NFAT5: variants seen among roughly 807,000 people sequenced by gnomAD.
The protein encoded by NFAT5 is nuclear factor of activated T-cells 5.
Under a neutral mutation model 166.5 loss-of-function variants are expected in NFAT5, and 31 were observed. The ratio of observed to expected loss-of-function variants is 0.19; its 90% confidence interval spans 0.14 to 0.25. NFAT5 has a LOEUF of 0.25. Ranked by LOEUF, NFAT5 falls within the 10% of genes least tolerant of loss-of-function variation. The pLI, the probability that NFAT5 is intolerant of heterozygous loss-of-function variation, is 1.00. For synonymous variants in NFAT5, 612 were observed against 639.7 expected (o/e 0.96, Z 0.65); for missense variants, 1,449 against 1,821.8 (o/e 0.80, Z 3.72).
chr16:69,671,471 A>C (rs1306597673), intron 9 of NFAT5, among the ~76,000 whole-genome samples: 1 of 152,220 alleles, frequency 6.6e-6, no homozygotes, highest in East Asian at 1.9e-4. Context: ...CCCTGGTTCA[A>C]GCAATTCTCC....
chr16:69,694,562 T>C (rs2037695551), intron 13 of NFAT5, among the ~76,000 whole-genome samples: 1 of 152,236 alleles, frequency 6.6e-6, no homozygotes, highest in African/African-American at 2.4e-5. Flanking sequence ...TCCTGTATAG[T>C]TGTTTTAAGA....
intron 3 of NFAT5, among the ~76,000 whole-genome samples, chr16:69,645,518 T>A (rs951636855): frequency 9.9e-5 from 15 of 152,216 alleles, no homozygotes; most frequent in Non-Finnish European, 2.2e-4. Flanking sequence ...TTCATTCAAA[T>A]AATTTAGGTG....
intron 2 of NFAT5, among the ~76,000 whole-genome samples, chr16:69,621,911 TTTGA>T (rs1399697155): frequency 6.6e-6 from 1 of 152,136 alleles, no homozygotes; most frequent in African/African-American, 2.4e-5. Flanking sequence ...TGCAGTGAAC[TTTGA>T]TTGTGTCTGT....
At chr16:69,673,747 T>C (rs2036719846) in intron 9 of NFAT5, among the ~76,000 whole-genome samples, 1 of 151,964 alleles carries the variant, frequency 6.6e-6, no homozygotes, top group Non-Finnish European at 1.5e-5. Context: ...CAACACACTT[T>C]GGATGTGATC....
At position 69,578,614 on chromosome 16, in the gene NFAT5, G is replaced by C. The variant is rs531533382; in HGVS notation, c.127+10066G>C. ...TGACAGTGACCATAAGCCAAACACA[G>C]ACTTAAGCCAACAAATAGCTATCCT... On this transcript the variant is annotated intron_variant, in intron 2 of 14. Coordinates refer to ENST00000349945, the MANE Select transcript of NFAT5 (RefSeq NM_138713.4). 1.2e-4 allele frequency among the ~76,000 whole-genome samples: 19 copies of C among 152,184 alleles called. 1 individual carries two copies. In the East Asian group the frequency reaches 3.1e-3, roughly 25 times the overall value.
In NFAT5 at chr16:69,702,280, T is replaced by C. The variant is rs1241917333; in HGVS notation, c.*5929T>C. The C allele has an allele frequency of 6.6e-6, 1 of 152,658 alleles. No homozygotes were observed. Among genetic ancestry groups the C allele is most frequent in the Non-Finnish European group, 1.5e-5 (1 of 68,044 alleles). 9.5% of individuals were successfully genotyped at this position (152,658 alleles called of 1,614,324 possible). A position where few individuals can be genotyped will look rare whatever the true frequency, so the allele number is the denominator to read the frequency against. On this transcript the variant is annotated 3_prime_UTR_variant, in exon 15 of 15. Coordinates refer to ENST00000349945, the MANE Select transcript of NFAT5 (RefSeq NM_138713.4). ...CTTTTCTTTTGGATAGCCAACTTGG[T>C]ATAAATGTTATATGGATTTTTCTAA...
intron 2 of NFAT5, among the ~76,000 whole-genome samples, chr16:69,624,359 C>A (rs929722426): frequency 2.6e-5 from 4 of 151,632 alleles, no homozygotes; most frequent in East Asian, 3.9e-4. Flanking sequence ...GTGACCACCA[C>A]CACGCCTGGC....
intron 2 of NFAT5, among the ~76,000 whole-genome samples, chr16:69,607,382 C>T (rs552848138): frequency 6.6e-6 from 1 of 152,130 alleles, no homozygotes; most frequent in East Asian, 1.9e-4. Context: ...ACTTTATCCC[C>T]CTTAATGCAA....
At chr16:69,671,703 T>C (rs773823025) in intron 9 of NFAT5, among the ~76,000 whole-genome samples, 3 of 152,046 alleles carry the variant, frequency 2.0e-5, no homozygotes, top group Non-Finnish European at 2.9e-5. Context: ...AGGACAGAAA[T>C]CAGAATCAGC....
At chr16:69,590,132 C>T (rs1171585774) in intron 2 of NFAT5, among the ~76,000 whole-genome samples, 4 of 152,090 alleles carry the variant, frequency 2.6e-5, no homozygotes, top group African/African-American at 7.2e-5. Flanking sequence ...TATGATCGCA[C>T]GACTGCACTC....
intron 9 of NFAT5, among the ~76,000 whole-genome samples, chr16:69,674,405 T>G (rs1212804955): frequency 6.6e-6 from 1 of 152,104 alleles, no homozygotes; most frequent in Non-Finnish European, 1.5e-5. Flanking sequence ...TCATTATGTC[T>G]ATTCCCTTTT....
chr16:69,648,743 A>T (rs894181192), intron 4 of NFAT5: 2 of 973,902 alleles, frequency 2.1e-6, no homozygotes, highest in South Asian at 4.7e-5. Flanking sequence ...AGGACCCAGG[A>T]TCTCCTACAA....
rs1005184181 is a variant in NFAT5 at position 69,566,985 on chromosome 16, CTGGAAAGGGCCCGA to C, written c.73+626_73+639del. Among the ~76,000 whole-genome samples, 3 of 152,132 alleles carry C rather than the reference CTGGAAAGGGCCCGA, an allele frequency of 2.0e-5. No homozygotes were observed. The highest frequency in any genetic ancestry group is 4.8e-5 in the African/African-American group (2 of 41,428). ...TCTTCCTTTCCTCGTCATCTTCTTG[CTGGAAAGGGCCCGA>C]TGGAAAGGGCCCGAATTTTCTTTTC... On this transcript the variant is annotated intron_variant, in intron 1 of 14. Coordinates refer to ENST00000349945, the MANE Select transcript of NFAT5 (RefSeq NM_138713.4). The surrounding 1 kb of genome is among the most constrained non-coding windows in gnomAD (Gnocchi z 5.7).
chr16:69,666,356 A>C (rs538054648), intron 7 of NFAT5, among the ~76,000 whole-genome samples: 1 of 152,172 alleles, frequency 6.6e-6, no homozygotes, highest in South Asian at 2.1e-4. Flanking sequence ...TGCACAGCAA[A>C]AGAAACTACC....
chr16:69,582,031 G>T (rs912050315), intron 2 of NFAT5, among the ~76,000 whole-genome samples: 3 of 152,144 alleles, frequency 2.0e-5, no homozygotes, highest in South Asian at 2.1e-4. Context: ...TTGTGAGGCC[G>T]AGGAGGGCGG....
At chr16:69,650,567 A>G (rs2035622775) in intron 4 of NFAT5, among the ~76,000 whole-genome samples, 1 of 152,150 alleles carries the variant, frequency 6.6e-6, no homozygotes, top group East Asian at 1.9e-4. Flanking sequence ...ACTCACTTTC[A>G]TTTATTTGCC....
At chr16:69,592,795 C>T (rs1446199365) in intron 2 of NFAT5, among the ~76,000 whole-genome samples, 1 of 151,886 alleles carries the variant, frequency 6.6e-6, no homozygotes, top group South Asian at 2.1e-4. Flanking sequence ...TAGATATATC[C>T]TTTAAAGGCA....
In NFAT5 at chr16:69,693,974, T is replaced by G; in HGVS notation, c.4149T>G (p.Pro1383=). 1 of 1,614,214 alleles carries G rather than the reference T, an allele frequency of 6.2e-7. No individual in the cohort carries two copies. Among genetic ancestry groups the G allele is most frequent in the Non-Finnish European group, 8.5e-7 (1 of 1,180,028 alleles). Residue 1383 remains proline (P), a synonymous_variant, in exon 13 of 15, where the codon CCT becomes CCG. Coordinates refer to ENST00000349945, the MANE Select transcript of NFAT5 (RefSeq NM_138713.4). ...SPQIQLVQGS[P]SSQEQQVTLF... is the part of the protein sequence containing the mutation. ...AGATTCAGTTGGTACAAGGGTCACC[T>G]AGTTCTCAAGAGCAGCAAGTAACTC...
Position 69,695,234 on chromosome 16 carries a change from G to A in NFAT5, c.4513G>A (p.Val1505Met), listed in dbSNP as rs140045591. ...GQPQNEGQPP[V>M]TTLLSQQMPE... ...ACCACAAAACGAGGGCCAGCCACCT[G>A]TGACAACACTTCTTTCTCAGCAAAT... Residue 1505 changes from valine to methionine, a missense_variant, in exon 14 of 15, where the codon GTG becomes ATG. By Grantham distance (21) the Val-to-Met change is conservative. Coordinates refer to ENST00000349945, the MANE Select transcript of NFAT5 (RefSeq NM_138713.4). 1.2e-6 allele frequency: 2 copies of A among 1,614,032 alleles called. No homozygotes were observed. The highest frequency in any genetic ancestry group is 1.3e-5 in the African/African-American group (1 of 74,906).
Sources: gnomAD v4.1 joint callset for allele counts (sites outside exome capture counted in the v4.1 genomes callset) on GRCh38, gnomAD v4.1.1 for gene constraint, Gnocchi (gnomAD v3.1) non-coding constraint, MANE v1.5 for transcripts, NCBI Gene and HGNC (gene_info 2026-07-23, HGNC 2026-07-21) for gene names.